ALCAM: variants seen among roughly 807,000 people sequenced by gnomAD.
The protein encoded by ALCAM is CD166 antigen.
Under a neutral mutation model 70.9 loss-of-function variants are expected in ALCAM, and 30 were observed. The observed-to-expected ratio is 0.42, with a 90% CI of 0.32 to 0.57. ALCAM has a LOEUF of 0.57. Ranked by LOEUF, ALCAM falls within the 20% of genes least tolerant of loss-of-function variation. The pLI is 0.11. For synonymous variants in ALCAM, 249 were observed against 242.5 expected, an observed-to-expected ratio of 1.03 and a Z score of -0.25; for missense variants, 591 against 695.1, an observed-to-expected ratio of 0.85 and a Z score of 1.68.
At chr3:105,394,907 G>T (rs1256401189) in intron 1 of ALCAM, among the ~76,000 whole-genome samples, 1 of 151,928 alleles carries the variant, frequency 6.6e-6, no homozygotes, top group Non-Finnish European at 1.5e-5. Context: ...AGACCTGTAA[G>T]GTTTGGTTGT....
At chr3:105,449,645 C>T (rs898196113) in intron 1 of ALCAM, among the ~76,000 whole-genome samples, 2 of 152,152 alleles carry the variant, frequency 1.3e-5, no homozygotes, top group East Asian at 3.9e-4. Flanking sequence ...AGCAATCCCT[C>T]GTCCCATTTC....
chr3:105,423,449 A>G (rs564983172), intron 1 of ALCAM, among the ~76,000 whole-genome samples: 209 of 150,840 alleles, frequency 1.4e-3, no homozygotes, highest in African/African-American at 4.9e-3. Context: ...TTTGGGTAAT[A>G]GTTAATCATA....
At chr3:105,570,326 G>A (rs1393491006) in intron 14 of ALCAM, among the ~76,000 whole-genome samples, 1 of 152,040 alleles carries the variant, frequency 6.6e-6, no homozygotes, top group Admixed American at 6.5e-5. Context: ...ATTGAAAAGA[G>A]AAAAAGAATT....
chr3:105,465,303 G>A (rs1373362428), intron 1 of ALCAM, among the ~76,000 whole-genome samples: 1 of 151,388 alleles, frequency 6.6e-6, no homozygotes. Context: ...AGTCAACACT[G>A]TTACATGACC....
At chr3:105,426,009 T>C (rs1172678282) in intron 1 of ALCAM, among the ~76,000 whole-genome samples, 1 of 151,910 alleles carries the variant, frequency 6.6e-6, no homozygotes, top group Non-Finnish European at 1.5e-5. Context: ...AAGGAAATGC[T>C]AGCTTTAGGT....
intron 1 of ALCAM, among the ~76,000 whole-genome samples, chr3:105,470,679 G>A (rs943969133): frequency 6.6e-6 from 1 of 151,138 alleles, no homozygotes; most frequent in African/African-American, 2.4e-5. Flanking sequence ...ATTTTCTGAA[G>A]ATTAGAAATA....
chr3:105,387,980 A>G (rs895188658), intron 1 of ALCAM, among the ~76,000 whole-genome samples: 3 of 151,476 alleles, frequency 2.0e-5, no homozygotes, highest in African/African-American at 7.3e-5. Flanking sequence ...ATAATGAAGC[A>G]CTAAGCATGT....
Position 105,439,609 on chromosome 3 carries a change from C to T in ALCAM, c.73+72128C>T, listed in dbSNP as rs189467882. 182 of 152,194 alleles carry T rather than the reference C, an allele frequency of 1.2e-3. 1 individual carries two copies. Among genetic ancestry groups the T allele is most frequent in the African/African-American group, 4.2e-3 (175 of 41,524 alleles). The allele number at this position is 152,194 out of a possible 1,614,324, so 9.4% of individuals were successfully genotyped here. ...TATGGGAATTGGGTATGTGAATAAT[C>T]GGGGCTCAATATGAAATTTTGAAGT... On this transcript the variant is annotated intron_variant, in intron 1 of 15. Transcript: ENST00000306107.
At chr3:105,501,964 C>T (rs1393636220) in intron 1 of ALCAM, among the ~76,000 whole-genome samples, 1 of 152,120 alleles carries the variant, frequency 6.6e-6, no homozygotes, top group Non-Finnish European at 1.5e-5. Flanking sequence ...GAGTTAGAAA[C>T]CAAAATCAAA....
At chr3:105,547,575 T>C in intron 11 of ALCAM, 52 bp downstream of exon 11, 1 of 1,586,232 alleles carries the variant, frequency 6.3e-7, no homozygotes, top group East Asian at 2.2e-5. Flanking sequence ...TGCGTTTTTT[T>C]TCCTTCACGA....
intron 1 of ALCAM, among the ~76,000 whole-genome samples, chr3:105,494,698 T>C (rs77344640): frequency 0.013 from 1,974 of 151,932 alleles, 34 homozygotes; most frequent in African/African-American, 0.043. Context: ...CTTGTTCTGT[T>C]GCCCAGGCTG....
Position 105,541,735 on chromosome 3 carries a change from A to C in ALCAM, c.961A>C (p.Met321Leu). ...YKCSLIDKKS[M>L]IASTAITVHY... is the part of the protein sequence containing the mutation. ...GTGTTCCCTGATAGACAAAAAAAGC[A>C]TGATTGCTTCAACAGCTATCACAGT... is the stretch of plus-strand genomic sequence containing the variant. The change falls in exon 8 of 16, where the codon ATG becomes CTG. Residue 321 changes from methionine (M) to leucine (L), a missense_variant. By Grantham distance (15) the Met-to-Leu change is conservative. Around this residue, in one of 2 missense-constraint regions of ALCAM, gnomAD observed 427 missense variants for 450.4 expected, o/e 0.95. Transcript: ENST00000306107. 6.2e-7 allele frequency: 1 copy of C among 1,612,210 alleles called. No individual in the cohort carries two copies. Among genetic ancestry groups the C allele is most frequent in the African/African-American group, 1.3e-5 (1 of 74,782 alleles).
chr3:105,570,886 G>T (rs1221226023), intron 14 of ALCAM, among the ~76,000 whole-genome samples: 1 of 152,138 alleles, frequency 6.6e-6, no homozygotes, highest in East Asian at 1.9e-4. Flanking sequence ...GAAGTAGACT[G>T]CAAGGTCATA....
At position 105,559,048 on chromosome 3, in the gene ALCAM, A is replaced by T. The variant is rs896054086; in HGVS notation, c.1664+6463A>T. 2.6e-5 allele frequency among the ~76,000 whole-genome samples: 4 copies of T among 152,014 alleles called. No individual in the cohort carries two copies. The South Asian group carries it at 8.3e-4, about 32-fold the overall frequency. On this transcript the variant is annotated intron_variant, in intron 14 of 15. Transcript: ENST00000306107. ...TTAGCACTTCTTCCCACGGTAACTT[A>T]CTATGATCCTGTAATTTAAATTTTC...
chr3:105,469,408 G>A (rs916328119), intron 1 of ALCAM, among the ~76,000 whole-genome samples: 2 of 151,038 alleles, frequency 1.3e-5, no homozygotes, highest in South Asian at 4.2e-4. Flanking sequence ...CTTTCCAGGT[G>A]CTATGGTGGT....
chr3:105,574,041 T>C (rs1249899660), intron 15 of ALCAM, among the ~76,000 whole-genome samples: 1 of 152,206 alleles, frequency 6.6e-6, no homozygotes, highest in African/African-American at 2.4e-5. Flanking sequence ...ACTTTTTTTG[T>C]TTGTTTTTTC....
rs570080186 is a variant in ALCAM at position 105,494,745 on chromosome 3, G to A, written c.74-25322G>A. ...CACGATCATAGCCTACGACAGCTTT[G>A]AACTCCTGGGCTCAAGTGATCCCCC... On this transcript the variant is annotated intron_variant, in intron 1 of 15. Coordinates refer to ENST00000306107, the MANE Select transcript of ALCAM (RefSeq NM_001627.4). Among the ~76,000 whole-genome samples, 11 of 151,264 alleles carry A rather than the reference G, an allele frequency of 7.3e-5. No individual in the cohort carries two copies. In the South Asian group the frequency reaches 1.7e-3, roughly 23 times the overall value.
At chr3:105,466,559 A>C (rs953132359) in intron 1 of ALCAM, among the ~76,000 whole-genome samples, 1 of 151,368 alleles carries the variant, frequency 6.6e-6, no homozygotes, top group African/African-American at 2.4e-5. Context: ...TATCAAAATC[A>C]TTCTTTTTCA....
At chr3:105,473,189 T>C (rs186391115) in intron 1 of ALCAM, among the ~76,000 whole-genome samples, 20 of 151,658 alleles carry the variant, frequency 1.3e-4, no homozygotes, top group African/African-American at 3.6e-4. Flanking sequence ...TATATATTCA[T>C]ATAGTAGAGC....
Sources: allele counts gnomAD v4.1 joint callset (sites outside exome capture counted in the v4.1 genomes callset), GRCh38; gene constraint gnomAD v4.1.1; regional missense constraint gnomAD v4.1.1; transcripts MANE v1.5; gene names NCBI Gene and HGNC (gene_info 2026-07-23, HGNC 2026-07-21).